CTNNA2: variants seen among roughly 807,000 people sequenced by gnomAD.
The protein encoded by CTNNA2 is catenin alpha 2.
In CTNNA2, 42 loss-of-function variants were observed where a neutral mutation model predicts 101.0. The observed-to-expected ratio is 0.42, with a 90% CI of 0.32 to 0.54. CTNNA2 has a LOEUF of 0.54. Among genes scored for constraint, CTNNA2 ranks in the 20% least tolerant of loss-of-function variants. CTNNA2 has a pLI of 0.14. For synonymous variants in CTNNA2, 450 were observed against 456.4 expected (o/e 0.99, Z 0.18); for missense variants, 871 against 1,223.1 (o/e 0.71, Z 4.29).
chr2:79,679,248 T>C lies in CTNNA2; in HGVS notation c.102+27590T>C, dbSNP rs145194169. 2.7e-3 allele frequency among the ~76,000 whole-genome samples: 412 copies of C among 152,308 alleles called. 3 individuals are homozygous for C. Among genetic ancestry groups the C allele is most frequent in the African/African-American group, 9.4e-3 (391 of 41,574 alleles). On this transcript the variant is annotated intron_variant, in intron 2 of 18. Transcript: ENST00000402739. ...TATTTGTTTTACACCTAGAAAATAATGTATCGGATGAATATAAGGAATTTG... is the reference window on the plus strand; with the variant it reads ...TATTTGTTTTACACCTAGAAAATAACGTATCGGATGAATATAAGGAATTTG...
chr2:80,097,955 C>G (rs1021014728), intron 7 of CTNNA2, among the ~76,000 whole-genome samples: 1 of 152,146 alleles, frequency 6.6e-6, no homozygotes, highest in Non-Finnish European at 1.5e-5. Context: ...GTTCGAACTT[C>G]CTCCTTTAGC....
chr2:79,578,883 A>C (rs1330832504), intron 1 of CTNNA2, among the ~76,000 whole-genome samples: 1 of 152,048 alleles, frequency 6.6e-6, no homozygotes, highest in African/African-American at 2.4e-5. Context: ...TCTAAATAGT[A>C]TATATCTGTT....
intron 7 of CTNNA2, among the ~76,000 whole-genome samples, chr2:79,923,707 A>G (rs1686830120): frequency 6.6e-6 from 1 of 152,066 alleles, no homozygotes; most frequent in South Asian, 2.1e-4. Context: ...CCTCCTGTTT[A>G]ACTGAAAAGT....
intron 4 of CTNNA2, among the ~76,000 whole-genome samples, chr2:79,381,090 A>G (rs1678033716): frequency 6.6e-6 from 1 of 152,216 alleles, no homozygotes; most frequent in Admixed American, 6.5e-5. Flanking sequence ...TTAATGTAAC[A>G]ATAAACATTT....
intron 1 of CTNNA2, among the ~76,000 whole-genome samples, chr2:79,598,523 A>T (rs1677345343): frequency 6.6e-6 from 1 of 152,210 alleles, no homozygotes; most frequent in African/African-American, 2.4e-5. Flanking sequence ...GTGTAGTGCC[A>T]TCTTGTTGCT....
At chr2:79,547,863 C>A (rs1331656071) in intron 1 of CTNNA2, 1 of 152,516 alleles carries the variant, frequency 6.6e-6, no homozygotes, top group Non-Finnish European at 1.5e-5. Flanking sequence ...GTGATAGAAC[C>A]AGCTAAAGAC....
At chr2:79,591,746 C>T (rs7422942) in intron 1 of CTNNA2, among the ~76,000 whole-genome samples, 2 of 152,092 alleles carry the variant, frequency 1.3e-5, no homozygotes, top group South Asian at 4.1e-4. Context: ...AAAGAGAGAG[C>T]GAGAAATGGG....
At chr2:79,269,256 G>A (rs911660446) in intron 2 of CTNNA2, among the ~76,000 whole-genome samples, 12 of 152,186 alleles carry the variant, frequency 7.9e-5, no homozygotes, top group Admixed American at 7.8e-4. Context: ...AATATTGACA[G>A]CCTAAGCCAG....
chr2:79,358,626 A>G (rs1334908809), intron 3 of CTNNA2, among the ~76,000 whole-genome samples: 1 of 152,220 alleles, frequency 6.6e-6, no homozygotes, highest in African/African-American at 2.4e-5. Context: ...GAATCGGTAA[A>G]GCAGCTAAGC....
chr2:79,796,337 G>A (rs1203010804), intron 3 of CTNNA2, among the ~76,000 whole-genome samples: 1 of 149,270 alleles, frequency 6.7e-6, no homozygotes, highest in African/African-American at 2.5e-5. Context: ...GCAGTGAGCC[G>A]AGAGCCGCGA....
intron 3 of CTNNA2, among the ~76,000 whole-genome samples, chr2:79,345,951 C>T (rs765513213): frequency 6.6e-6 from 1 of 151,210 alleles, no homozygotes; most frequent in African/African-American, 2.4e-5. Context: ...CTGCTCATCT[C>T]GGCCTCCCAA....
intron 7 of CTNNA2, among the ~76,000 whole-genome samples, chr2:80,322,000 G>A (rs1176366734): frequency 6.6e-6 from 1 of 152,050 alleles, no homozygotes. Context: ...TATTCCTCCT[G>A]CTGAGGAAGC....
intron 4 of CTNNA2, among the ~76,000 whole-genome samples, chr2:79,375,266 G>A (rs1677954188): frequency 6.6e-6 from 1 of 152,154 alleles, no homozygotes; most frequent in African/African-American, 2.4e-5. Context: ...AGATCTGATA[G>A]CGTGTTTCAT....
chr2:79,954,393 C>T (rs1158826299), intron 7 of CTNNA2, among the ~76,000 whole-genome samples: 1 of 152,198 alleles, frequency 6.6e-6, no homozygotes, highest in Non-Finnish European at 1.5e-5. Context: ...TTCAGCTCTT[C>T]TACTCTGGAC....
intron 18 of CTNNA2, among the ~76,000 whole-genome samples, chr2:80,635,736 T>C (rs890875690): frequency 2.0e-5 from 3 of 152,078 alleles, no homozygotes; most frequent in African/African-American, 7.2e-5. Context: ...GGTTTTATGA[T>C]GATTGCTAAC....
chr2:79,978,315 C>T (rs1416524984), intron 7 of CTNNA2, among the ~76,000 whole-genome samples: 4 of 152,242 alleles, frequency 2.6e-5, no homozygotes, highest in Middle Eastern at 3.4e-3. Context: ...CTTTCGACAT[C>T]GGCCACCCTT....
At chr2:79,434,311 A>C in intron 4 of CTNNA2, among the ~76,000 whole-genome samples, 1 of 151,738 alleles carries the variant, frequency 6.6e-6, no homozygotes, top group African/African-American at 2.4e-5. Context: ...AAAAAAAAAA[A>C]AAGGAAGAAG....
chr2:79,262,255 G>A (rs1026507360), intron 2 of CTNNA2, among the ~76,000 whole-genome samples: 1 of 152,082 alleles, frequency 6.6e-6, no homozygotes, highest in African/African-American at 2.4e-5. Context: ...GGAAAGGCAT[G>A]GTTATGCCAT....
chr2:79,340,833 C>CAAAAAAAAAAAAAA (rs56276462), intron 3 of CTNNA2, among the ~76,000 whole-genome samples: 24 of 32,484 alleles, frequency 7.4e-4, no homozygotes, highest in South Asian at 3.7e-3. Context: ...GACTCAGTCT[C>CAAAAAAAAAAAAAA]AAAAAAAAAA....
Sources: allele counts gnomAD v4.1 joint callset (sites outside exome capture counted in the v4.1 genomes callset), GRCh38; gene constraint gnomAD v4.1.1; transcripts MANE v1.5; gene names NCBI Gene and HGNC (gene_info 2026-07-23, HGNC 2026-07-21).